Variants in GABBR2 observed in about 807,000 individuals in gnomAD.
The protein encoded by GABBR2 is G-protein coupled receptor 51.
GABBR2 carries 23 observed loss-of-function variants against 105.6 expected under a neutral mutation model. The observed-to-expected ratio is 0.22, with a 90% confidence interval of 0.16 to 0.31. The LOEUF is 0.31. Ranked by LOEUF, GABBR2 falls within the 10% of genes least tolerant of loss-of-function variation. GABBR2 has a pLI of 1.00. For synonymous variants in GABBR2, 478 were observed against 499.7 expected (o/e 0.96, Z 0.58); for missense variants, 734 against 1,245.5 (o/e 0.59, Z 6.18).
chr9:98,607,248 G>A (rs1829439299), intron 1 of GABBR2: 1 of 1,315,160 alleles, frequency 7.6e-7, no homozygotes, highest in Non-Finnish European at 1.1e-6. Flanking sequence ...TAAACTTGAG[G>A]ACTACGTAAA....
chr9:98,655,591 G>A (rs1021677168), intron 1 of GABBR2, among the ~76,000 whole-genome samples: 3 of 152,072 alleles, frequency 2.0e-5, no homozygotes, highest in Admixed American at 6.6e-5. Context: ...CAACCCAAAC[G>A]CCCATCAATG....
intron 7 of GABBR2, among the ~76,000 whole-genome samples, chr9:98,424,439 T>C (rs1440337059): frequency 1.3e-5 from 2 of 152,112 alleles, no homozygotes; most frequent in Non-Finnish European, 2.9e-5. Flanking sequence ...GGATGCCCTC[T>C]CTCACCACTC....
rs56248488 is a variant in GABBR2, at chr9:98,429,121, G to GGTGTGTGTGTGTGTGTGTGTGT, written c.1237-23002_1237-22981dup. 8.3e-4 allele frequency among the ~76,000 whole-genome samples: 121 copies of GGTGTGTGTGTGTGTGTGTGTGT among 145,572 alleles called. 1 individual carries two copies. The highest frequency in any genetic ancestry group is 1.2e-3 in the East Asian group (6 of 4,880). ...AAATTAAAAACTCACCCAGGTTTTT[G>GGTGTGTGTGTGTGTGTGTGTGT]GTGTGTGTGTGTGTGTGTGTGTGTG... On this transcript the variant is annotated intron_variant, in intron 7 of 18. Coordinates refer to ENST00000259455, the MANE Select transcript of GABBR2 (RefSeq NM_005458.8).
intron 9 of GABBR2, among the ~76,000 whole-genome samples, chr9:98,390,422 A>G (rs561593705): frequency 1.3e-5 from 2 of 151,064 alleles, no homozygotes; most frequent in East Asian, 1.9e-4. Flanking sequence ...AGAAACATTC[A>G]GTGGATTAAA....
intron 3 of GABBR2, 108 bp from the exon 4 acceptor site, chr9:98,496,622 C>T (rs796777957): frequency 2.9e-5 from 21 of 736,568 alleles, no homozygotes; most frequent in African/African-American, 2.2e-4. Context: ...TTTTCTCTAC[C>T]GACAATGCAA....
chr9:98,456,926 C>T (rs527720943), intron 6 of GABBR2, among the ~76,000 whole-genome samples: 165 of 152,242 alleles, frequency 1.1e-3, no homozygotes, highest in African/African-American at 3.8e-3. Context: ...ATTTCCTATA[C>T]CATCTTGCTA....
At chr9:98,576,058 C>T (rs1423340237) in intron 2 of GABBR2, among the ~76,000 whole-genome samples, 2 of 152,214 alleles carry the variant, frequency 1.3e-5, no homozygotes, top group Non-Finnish European at 2.9e-5. Flanking sequence ...TCGCCCGGGC[C>T]CCACCTCTCT....
rs1007644941 is a variant in GABBR2 at position 98,454,959 on chromosome 9, T to C, written c.1000-742A>G. 6.6e-6 allele frequency among the ~76,000 whole-genome samples: 1 copy of C among 152,124 alleles called. No homozygotes were observed. The highest frequency in any genetic ancestry group is 2.4e-5 in the African/African-American group (1 of 41,432). Reference sequence around the variant, plus strand: ...AGAATTCAGGGCACAGTCTGGAAGCTGGAAGGGGTGCAGGTCTGAGTGGGC... The same window carrying C: ...AGAATTCAGGGCACAGTCTGGAAGCCGGAAGGGGTGCAGGTCTGAGTGGGC... On this transcript the variant is annotated intron_variant, in intron 6 of 18. Transcript: ENST00000259455. The surrounding 1 kb of genome is among the most constrained non-coding windows in gnomAD (Gnocchi z 4.6).
chr9:98,353,384 A>G (rs1360112964), intron 13 of GABBR2, among the ~76,000 whole-genome samples: 1 of 152,184 alleles, frequency 6.6e-6, no homozygotes, highest in South Asian at 2.1e-4. Context: ...AGTCATCCAT[A>G]AAAGTTGGAA....
chr9:98,329,853 TTTC>T lies in GABBR2; in HGVS notation c.1894-18651_1894-18649del, dbSNP rs778154014. Among the ~76,000 whole-genome samples, 46 of 151,812 alleles carry T rather than the reference TTTC, an allele frequency of 3.0e-4. 1 individual carries two copies. Among genetic ancestry groups the T allele is most frequent in the African/African-American group, 8.9e-4 (37 of 41,414 alleles). On this transcript the variant is annotated intron_variant, in intron 13 of 18. Transcript: ENST00000259455. ...CTCCCCATCTCTCCTCTCCTCTCCT[TTTC>T]TTCTTCTTCTCTCTCTCTCTCTCTC...
At chr9:98,393,871 C>T (rs746842409) in intron 9 of GABBR2, among the ~76,000 whole-genome samples, 2 of 152,202 alleles carry the variant, frequency 1.3e-5, no homozygotes, top group Non-Finnish European at 2.9e-5. Flanking sequence ...CAGTCAAACC[C>T]TTTGCCAGAG....
chr9:98,367,102 C>T (rs1004402719), intron 12 of GABBR2, among the ~76,000 whole-genome samples: 2 of 150,700 alleles, frequency 1.3e-5, no homozygotes, highest in African/African-American at 4.9e-5. Flanking sequence ...CCTTCTTTTG[C>T]TTTAATGCTT....
intron 14 of GABBR2, among the ~76,000 whole-genome samples, chr9:98,307,575 C>T (rs949257354): frequency 3.3e-5 from 5 of 152,188 alleles, no homozygotes; most frequent in Non-Finnish European, 7.3e-5. Context: ...GGCAGCATAA[C>T]GCTGTGTGGT....
chr9:98,336,948 A>C (rs1831126296), intron 13 of GABBR2, among the ~76,000 whole-genome samples: 1 of 152,048 alleles, frequency 6.6e-6, no homozygotes, highest in South Asian at 2.1e-4. Flanking sequence ...ACAAATTGGA[A>C]TGAAAGGAGC....
At chr9:98,624,212 A>G (rs2131823617) in intron 1 of GABBR2, among the ~76,000 whole-genome samples, 1 of 152,282 alleles carries the variant, frequency 6.6e-6, no homozygotes. Context: ...AGCCCCACGA[A>G]GATCTGGCCT....
chr9:98,552,055 C>T (rs1474425220), intron 2 of GABBR2: 5 of 152,174 alleles, frequency 3.3e-5, no homozygotes, highest in East Asian at 3.8e-4. Flanking sequence ...CGAACCCAGA[C>T]GAAAAATGTA....
chr9:98,675,438 G>C (rs1830464062), intron 1 of GABBR2, among the ~76,000 whole-genome samples: 1 of 152,172 alleles, frequency 6.6e-6, no homozygotes, highest in South Asian at 2.1e-4. Flanking sequence ...AACATGAAGG[G>C]AGTCAGCGGA....
At chr9:98,608,676 G>A (rs1488227031) in intron 1 of GABBR2, among the ~76,000 whole-genome samples, 1 of 152,122 alleles carries the variant, frequency 6.6e-6, no homozygotes, top group African/African-American at 2.4e-5. Context: ...TGCTTACAGT[G>A]CACCTAGAGC....
At chr9:98,613,237 G>A (rs538516806) in intron 1 of GABBR2, among the ~76,000 whole-genome samples, 1 of 152,228 alleles carries the variant, frequency 6.6e-6, no homozygotes, top group South Asian at 2.1e-4. Flanking sequence ...TCATGAGTTC[G>A]AGACCAGCCT....
Sources: allele counts gnomAD v4.1 joint callset (sites outside exome capture counted in the v4.1 genomes callset), GRCh38; gene constraint gnomAD v4.1.1; non-coding constraint Gnocchi (gnomAD v3.1); transcripts MANE v1.5; gene names NCBI Gene and HGNC (gene_info 2026-07-23, HGNC 2026-07-21).